Variants in NELL2 observed in about 807,000 individuals in gnomAD.
NELL2 encodes the protein protein kinase C-binding protein NELL2.
In NELL2, 41 loss-of-function variants were observed where a neutral mutation model predicts 109.6. The ratio of observed to expected loss-of-function variants is 0.37; its 90% CI spans 0.29 to 0.49. The LOEUF is 0.49. Among genes scored for constraint, NELL2 ranks in the 20% least tolerant of loss-of-function variants. NELL2 has a pLI of 0.98. For synonymous variants in NELL2, 355 were observed against 344.7 expected, an observed-to-expected ratio of 1.03 and a Z score of -0.33; for missense variants, 900 against 1,008.3, an observed-to-expected ratio of 0.89 and a Z score of 1.45.
intron 15 of NELL2, among the ~76,000 whole-genome samples, chr12:44,573,001 G>A (rs1237936846): frequency 2.6e-5 from 4 of 152,184 alleles, no homozygotes; most frequent in East Asian, 1.9e-4. Flanking sequence ...AGAAGAGAAC[G>A]TGCAGTCAGA....
intron 9 of NELL2, among the ~76,000 whole-genome samples, chr12:44,721,890 T>C (rs1938793821): frequency 6.6e-6 from 1 of 152,092 alleles, no homozygotes; most frequent in African/African-American, 2.4e-5. Context: ...TGCAGTTTCA[T>C]GACAGCTATA....
At position 44,800,501 on chromosome 12, in the gene NELL2, A is replaced by T. The variant is rs893710062; in HGVS notation, c.335+15485T>A. 3.3e-5 allele frequency among the ~76,000 whole-genome samples: 5 copies of T among 152,310 alleles called. No individual in the cohort carries two copies. The East Asian group carries it at 9.6e-4, about 29-fold the overall frequency. ...CGCTTTCAAAGAACAAAGAATTTTT[A>T]GGAAGAAAGTAATATTCCCAAAATG... On this transcript the variant is annotated intron_variant, in intron 3 of 19. Coordinates refer to ENST00000429094, the MANE Select transcript of NELL2 (RefSeq NM_001145108.2).
At chr12:44,595,700 C>G (rs533584052) in intron 15 of NELL2, among the ~76,000 whole-genome samples, 1 of 151,834 alleles carries the variant, frequency 6.6e-6, no homozygotes, top group African/African-American at 2.4e-5. Flanking sequence ...CTCGGCCTCC[C>G]AAAGTGCTGG....
intron 2 of NELL2, among the ~76,000 whole-genome samples, chr12:44,831,756 A>C (rs1205475750): frequency 1.3e-5 from 2 of 152,198 alleles, no homozygotes; most frequent in Admixed American, 6.5e-5. Flanking sequence ...GTCCTCCATG[A>C]GGAAAATGGC....
chr12:44,875,438 G>A, intron 1 of NELL2, 85 bp from the exon 2 acceptor site: 4 of 1,613,794 alleles, frequency 2.5e-6, no homozygotes, highest in Non-Finnish European at 1.7e-6. Context: ...GCAAAGAACC[G>A]CGTTTTCGCG....
rs189677537 is a variant in NELL2 at position 44,565,895 on chromosome 12, A to T, written c.1664-33174T>A. On this transcript the variant is annotated intron_variant, in intron 15 of 19. Transcript: ENST00000429094. ...GTGGGAGTAGGATTTTGAGGATTGC[A>T]CATTCCTAAGAAGCTTAGACTTTAT... is the stretch of plus-strand genomic sequence containing the variant. Among the ~76,000 whole-genome samples the T allele has an allele frequency of 5.3e-5, 8 of 152,302 alleles. No homozygotes were observed. The East Asian group carries it at 1.5e-3, about 29-fold the overall frequency.
At chr12:44,708,086 G>A (rs546254469) in intron 11 of NELL2, among the ~76,000 whole-genome samples, 1 of 152,280 alleles carries the variant, frequency 6.6e-6, no homozygotes, top group Admixed American at 6.5e-5. Context: ...CAGAAGGACT[G>A]TGGATATAAA....
At chr12:44,644,604 G>GTGTATATATATATATATATA (rs1241074750) in intron 13 of NELL2, among the ~76,000 whole-genome samples, 15 of 81,234 alleles carry the variant, frequency 1.8e-4, no homozygotes, top group African/African-American at 7.3e-4. Context: ...ATATATATAT[G>GTGTATATATATATATATATA]TATGTATATA....
intron 13 of NELL2, among the ~76,000 whole-genome samples, chr12:44,662,836 G>A (rs894014157): frequency 6.6e-6 from 1 of 151,994 alleles, no homozygotes; most frequent in African/African-American, 2.4e-5. Flanking sequence ...CTGTTAGCAG[G>A]GGGCTCATTA....
chr12:44,862,333 T>C (rs1312164011), intron 2 of NELL2, among the ~76,000 whole-genome samples: 1 of 152,246 alleles, frequency 6.6e-6, no homozygotes, highest in South Asian at 2.1e-4. Context: ...ATTCTGTTTT[T>C]AATAGTGGTA....
intron 1 of NELL2, among the ~76,000 whole-genome samples, chr12:44,909,063 C>A (rs188776815): frequency 1.3e-5 from 2 of 151,776 alleles, no homozygotes; most frequent in Admixed American, 1.3e-4. Context: ...AAATAAAGTA[C>A]TGGAAGTCCT....
At chr12:44,789,665 T>G (rs1942309027) in intron 3 of NELL2, among the ~76,000 whole-genome samples, 1 of 152,080 alleles carries the variant, frequency 6.6e-6, no homozygotes, top group Non-Finnish European at 1.5e-5. Context: ...GGTTAGTTAT[T>G]AAGCTAATCA....
upstream of NELL2, chr12:44,877,062 G>T: frequency 4.5e-6 from 1 of 221,264 alleles, no homozygotes; most frequent in Non-Finnish European, 8.5e-6. Flanking sequence ...GGGCTCTCTG[G>T]GACCAGCATA....
At chr12:44,829,916 G>C in intron 2 of NELL2, among the ~76,000 whole-genome samples, 1 of 152,014 alleles carries the variant, frequency 6.6e-6, no homozygotes, top group Non-Finnish European at 1.5e-5. Flanking sequence ...TGAATCACAA[G>C]GCTTTCTTTT....
chr12:44,805,913 T>C (rs1942982998), intron 3 of NELL2, among the ~76,000 whole-genome samples: 1 of 151,912 alleles, frequency 6.6e-6, no homozygotes, highest in Non-Finnish European at 1.5e-5. Flanking sequence ...TCCAAAATTG[T>C]AGTAAATTTT....
chr12:44,895,452 T>C (rs1325403702), intron 1 of NELL2, among the ~76,000 whole-genome samples: 1 of 152,216 alleles, frequency 6.6e-6, no homozygotes, highest in Non-Finnish European at 1.5e-5. Context: ...TTCATACTGA[T>C]GATTAAATAA....
At chr12:44,696,859 C>T (rs1050262013) in intron 12 of NELL2, among the ~76,000 whole-genome samples, 8 of 152,156 alleles carry the variant, frequency 5.3e-5, no homozygotes, top group African/African-American at 2.4e-5. Flanking sequence ...AATAAACAGG[C>T]TGTGATTACT....
intron 9 of NELL2, among the ~76,000 whole-genome samples, chr12:44,736,203 G>GT (rs1321364747): frequency 6.6e-6 from 1 of 151,776 alleles, no homozygotes; most frequent in East Asian, 1.9e-4. Flanking sequence ...TAGAGACGGG[G>GT]TTTCACCGTG....
chr12:44,619,648 A>G (rs550044590), intron 13 of NELL2, among the ~76,000 whole-genome samples: 2 of 150,746 alleles, frequency 1.3e-5, no homozygotes, highest in South Asian at 4.2e-4. Context: ...GAGGAGGAGA[A>G]GGAGGAGGAG....
Sources: gnomAD v4.1 joint callset for allele counts (sites outside exome capture counted in the v4.1 genomes callset) on GRCh38, gnomAD v4.1.1 for gene constraint, MANE v1.5 for transcripts, NCBI Gene and HGNC (gene_info 2026-07-23, HGNC 2026-07-21) for gene names.